PPM1H: variants seen among roughly 807,000 people sequenced by gnomAD.
PPM1H encodes protein phosphatase, Mg2+/Mn2+ dependent 1H.
Under a neutral mutation model 54.9 loss-of-function variants are expected in PPM1H, and 27 were observed. That is an observed-to-expected ratio of 0.49 (90% CI 0.36 to 0.68). PPM1H has a LOEUF of 0.68. Ranked by LOEUF, PPM1H falls within the 30% of genes least tolerant of loss-of-function variation. The probability of loss-of-function intolerance (pLI) is 0.00; values close to 1 mark genes in which losing one functional copy is unlikely to be tolerated. For synonymous variants in PPM1H, 305 were observed against 270.8 expected (o/e 1.13, Z -1.24); for missense variants, 596 against 667.8 (o/e 0.89, Z 1.19).
chr12:62,755,431 A>C, intron 4 of PPM1H: 1 of 719,084 alleles, frequency 1.4e-6, no homozygotes, highest in Non-Finnish European at 2.6e-6. Flanking sequence ...GCTTGTCATC[A>C]ACGAAAATCC....
chr12:62,698,101 A>T (rs931583930), intron 6 of PPM1H, among the ~76,000 whole-genome samples: 1 of 136,096 alleles, frequency 7.3e-6, no homozygotes, highest in African/African-American at 2.7e-5. Context: ...GCAAAGCTGT[A>T]AAAAAAAAAG....
chr12:62,813,405 G>A (rs2076847111), intron 2 of PPM1H, among the ~76,000 whole-genome samples: 1 of 152,196 alleles, frequency 6.6e-6, no homozygotes, highest in Non-Finnish European at 1.5e-5. Context: ...CATTCGGGAT[G>A]ACACTGGCGC....
intron 8 of PPM1H, among the ~76,000 whole-genome samples, chr12:62,674,104 T>A (rs530864396): frequency 6.6e-6 from 1 of 152,274 alleles, no homozygotes; most frequent in South Asian, 2.1e-4. Flanking sequence ...TCTACTTCTC[T>A]CACAAAGCTG....
intron 1 of PPM1H, among the ~76,000 whole-genome samples, chr12:62,878,771 C>A (rs1045805033): frequency 9.9e-5 from 15 of 151,840 alleles, no homozygotes; most frequent in Admixed American, 7.2e-4. Flanking sequence ...GAAACCCCAT[C>A]TCTACTAAAA....
At chr12:62,660,591 AG>A (rs1373491551) in intron 9 of PPM1H, among the ~76,000 whole-genome samples, 1 of 152,248 alleles carries the variant, frequency 6.6e-6, no homozygotes, top group Non-Finnish European at 1.5e-5. Flanking sequence ...CATTGGGGAA[AG>A]GACAGTCTCT....
intron 2 of PPM1H, among the ~76,000 whole-genome samples, chr12:62,806,671 A>G (rs965788130): frequency 3.3e-5 from 5 of 152,104 alleles, no homozygotes; most frequent in Non-Finnish European, 7.4e-5. Flanking sequence ...TTCTCTGGCC[A>G]TGTAAGATGT....
At chr12:62,783,851 G>A (rs890422561) in intron 4 of PPM1H, among the ~76,000 whole-genome samples, 8 of 152,264 alleles carry the variant, frequency 5.3e-5, no homozygotes, top group Admixed American at 1.3e-4. Context: ...TTTAAAATAC[G>A]TGGTAATGGC....
intron 9 of PPM1H, among the ~76,000 whole-genome samples, chr12:62,665,930 T>C (rs972549751): frequency 5.9e-5 from 9 of 152,126 alleles, no homozygotes; most frequent in African/African-American, 2.2e-4. Flanking sequence ...GGTTTCACCA[T>C]GTTTCCCAGG....
chr12:62,671,867 T>C (rs1240890168), intron 8 of PPM1H, among the ~76,000 whole-genome samples: 1 of 152,194 alleles, frequency 6.6e-6, no homozygotes, highest in African/African-American at 2.4e-5. Flanking sequence ...ATCTTTCTTT[T>C]CCCTGGTCCT....
chr12:62,802,227 G>A, intron 2 of PPM1H, 67 bp from the exon 3 acceptor site: 4 of 1,316,332 alleles, frequency 3.0e-6, no homozygotes, highest in South Asian at 3.1e-5. Context: ...CATACAGATT[G>A]TGGGACATCT....
intron 9 of PPM1H, among the ~76,000 whole-genome samples, chr12:62,649,453 G>A (rs74095839): frequency 0.04 from 6,088 of 152,194 alleles, 408 homozygotes; most frequent in African/African-American, 0.14. Flanking sequence ...ATTTGGGTGG[G>A]TATGGGCCTG....
At chr12:62,751,955 G>T (rs1157810390) in intron 4 of PPM1H, among the ~76,000 whole-genome samples, 1 of 152,214 alleles carries the variant, frequency 6.6e-6, no homozygotes, top group Admixed American at 6.5e-5. Flanking sequence ...CTCTGGCTCT[G>T]CCTGGTAACA....
intron 6 of PPM1H, among the ~76,000 whole-genome samples, chr12:62,701,294 C>T (rs1008083574): frequency 2.6e-5 from 4 of 152,236 alleles, no homozygotes; most frequent in African/African-American, 9.6e-5. Context: ...CCCTAGTGGG[C>T]TAGGTGCTGT....
intron 1 of PPM1H, among the ~76,000 whole-genome samples, chr12:62,883,310 C>T (rs1429029459): frequency 6.6e-6 from 1 of 152,078 alleles, no homozygotes; most frequent in Non-Finnish European, 1.5e-5. Flanking sequence ...AGCAGGAACT[C>T]GGGACTCCCA....
At chr12:62,715,124 G>A (rs3843661) in intron 6 of PPM1H, among the ~76,000 whole-genome samples, 8,465 of 152,262 alleles carry the variant, frequency 0.056, 352 homozygotes, top group East Asian at 0.19. Flanking sequence ...GTTTCAACTC[G>A]GTAACATAGA....
intron 1 of PPM1H, among the ~76,000 whole-genome samples, chr12:62,849,845 A>G (rs541749293): frequency 6.6e-6 from 1 of 152,368 alleles, no homozygotes; most frequent in East Asian, 1.9e-4. Flanking sequence ...CCATGCCTCT[A>G]CACAAATTTT....
chr12:62,784,640 G>T (rs2076660271), intron 4 of PPM1H, among the ~76,000 whole-genome samples: 1 of 152,200 alleles, frequency 6.6e-6, no homozygotes, highest in South Asian at 2.1e-4. Context: ...GTTTTAAACT[G>T]AGCCCTGGGA....
chr12:62,930,255 A>T (rs1464184494), intron 1 of PPM1H, among the ~76,000 whole-genome samples: 5 of 152,226 alleles, frequency 3.3e-5, no homozygotes, highest in Non-Finnish European at 5.9e-5. Context: ...TCTGTGAGAC[A>T]TACACTTATA....
At chr12:62,842,645 G>A (rs1042404901) in intron 1 of PPM1H, among the ~76,000 whole-genome samples, 1 of 152,184 alleles carries the variant, frequency 6.6e-6, no homozygotes, top group African/African-American at 2.4e-5. Flanking sequence ...GAGGAATAAA[G>A]TTATACAGAA....
Sources: gnomAD v4.1 joint callset for allele counts (sites outside exome capture counted in the v4.1 genomes callset) on GRCh38, gnomAD v4.1.1 for gene constraint, MANE v1.5 for transcripts, NCBI Gene and HGNC (gene_info 2026-07-23, HGNC 2026-07-21) for gene names.